The following CA10 variants were observed in gnomAD, a reference collection of about 807,000 sequenced individuals.
CA10 encodes the protein carbonic anhydrase 10 (inactive), also known as carbonic anhydrase-related protein 10.
A neutral mutation model predicts 44.2 loss-of-function variants in CA10; 14 were observed. The ratio of observed to expected loss-of-function variants is 0.32; its 90% confidence interval spans 0.21 to 0.50. CA10 has a LOEUF of 0.50. Among genes scored for constraint, CA10 ranks in the 20% least tolerant of loss-of-function variants. The probability of loss-of-function intolerance (pLI) is 0.99; values close to 1 mark genes in which losing one functional copy is unlikely to be tolerated. For synonymous variants in CA10, 159 were observed against 141.6 expected, an observed-to-expected ratio of 1.12 and a Z score of -0.87; for missense variants, 350 against 409.7, an observed-to-expected ratio of 0.85 and a Z score of 1.26.
At chr17:52,122,107 T>C (rs1365315332) in intron 1 of CA10, among the ~76,000 whole-genome samples, 4 of 152,154 alleles carry the variant, frequency 2.6e-5, no homozygotes, top group African/African-American at 7.2e-5. Flanking sequence ...AAGAAAAAGT[T>C]CTAAAACCAG....
intron 3 of CA10, among the ~76,000 whole-genome samples, chr17:51,778,928 G>A (rs184672627): frequency 2.0e-5 from 3 of 152,262 alleles, no homozygotes; most frequent in Admixed American, 6.5e-5. Context: ...TTGGACCCAG[G>A]AACTCAGGCT....
chr17:51,753,093 C>T (rs1176198771), intron 3 of CA10, among the ~76,000 whole-genome samples: 1 of 152,060 alleles, frequency 6.6e-6, no homozygotes, highest in Non-Finnish European at 1.5e-5. Flanking sequence ...AAGTTCATCC[C>T]AGGAGGAGGC....
chr17:52,102,321 T>C (rs1988558918), intron 1 of CA10, among the ~76,000 whole-genome samples: 10 of 152,168 alleles, frequency 6.6e-5, no homozygotes, highest in Admixed American at 6.5e-4. Context: ...CTCATCTCCT[T>C]AGTAAACAAC....
At chr17:52,089,688 C>T (rs935820276) in intron 1 of CA10, among the ~76,000 whole-genome samples, 1 of 151,366 alleles carries the variant, frequency 6.6e-6, no homozygotes, top group Non-Finnish European at 1.5e-5. Flanking sequence ...AGCTAGTAAA[C>T]AATAGAACAG....
At chr17:51,857,724 C>T (rs1230084818) in intron 3 of CA10, among the ~76,000 whole-genome samples, 2 of 152,190 alleles carry the variant, frequency 1.3e-5, no homozygotes, top group African/African-American at 4.8e-5. Context: ...GGAAATAGAA[C>T]AGAGTCTATC....
chr17:51,905,867 T>G (rs545534927), intron 3 of CA10, among the ~76,000 whole-genome samples: 1 of 152,204 alleles, frequency 6.6e-6, no homozygotes, highest in African/African-American at 2.4e-5. Flanking sequence ...TTTGAGAATA[T>G]AAAGCAGGGC....
At chr17:51,914,183 C>T (rs894178976) in intron 3 of CA10, among the ~76,000 whole-genome samples, 3 of 152,026 alleles carry the variant, frequency 2.0e-5, no homozygotes, top group Admixed American at 6.6e-5. Context: ...GGGTGAACAC[C>T]CCAGCTGCAA....
At chr17:51,791,244 T>A (rs564351097) in intron 3 of CA10, among the ~76,000 whole-genome samples, 1 of 152,318 alleles carries the variant, frequency 6.6e-6, no homozygotes, top group African/African-American at 2.4e-5. Flanking sequence ...TCATGACTCA[T>A]CTATTGTACC....
At chr17:52,097,520 A>T (rs1988434411) in intron 1 of CA10, among the ~76,000 whole-genome samples, 1 of 152,164 alleles carries the variant, frequency 6.6e-6, no homozygotes, top group South Asian at 2.1e-4. Context: ...AATTGAACCC[A>T]AATCTGTATT....
chr17:51,876,478 G>A (rs1980087347), intron 3 of CA10, among the ~76,000 whole-genome samples: 2 of 151,454 alleles, frequency 1.3e-5, no homozygotes, highest in African/African-American at 2.4e-5. Flanking sequence ...CAGTGCACCT[G>A]GCAGTTTTTA....
chr17:51,846,606 C>T (rs1978503614), intron 3 of CA10, among the ~76,000 whole-genome samples: 1 of 152,238 alleles, frequency 6.6e-6, no homozygotes, highest in African/African-American at 2.4e-5. Context: ...TGGCTTCAGG[C>T]CATGCCCCTC....
intron 4 of CA10, among the ~76,000 whole-genome samples, chr17:51,658,872 T>C (rs1453119298): frequency 1.3e-5 from 2 of 152,198 alleles, no homozygotes; most frequent in Non-Finnish European, 2.9e-5. Context: ...TGAGTTCACA[T>C]TCAAGCACAT....
At chr17:52,151,961 A>C (rs1205547033) in intron 1 of CA10, among the ~76,000 whole-genome samples, 1 of 152,144 alleles carries the variant, frequency 6.6e-6, no homozygotes, top group Non-Finnish European at 1.5e-5. Flanking sequence ...TGGCTACTGT[A>C]TTCCAGATAC....
chr17:51,865,566 G>C (rs552719108), intron 3 of CA10, among the ~76,000 whole-genome samples: 2 of 150,796 alleles, frequency 1.3e-5, no homozygotes, highest in Admixed American at 6.6e-5. Context: ...GGGAGCCGGT[G>C]GGGGGGAACC....
At chr17:51,957,756 C>A (rs542774982) in intron 2 of CA10, among the ~76,000 whole-genome samples, 3 of 152,134 alleles carry the variant, frequency 2.0e-5, no homozygotes, top group Non-Finnish European at 4.4e-5. Context: ...ATTTTCTGCT[C>A]TCCTAGAGTG....
intron 2 of CA10, among the ~76,000 whole-genome samples, chr17:52,050,929 C>T (rs1032326189): frequency 2.0e-5 from 3 of 151,554 alleles, no homozygotes; most frequent in African/African-American, 7.3e-5. Context: ...TGCTATACAC[C>T]CAGACCCTGT....
rs528780092 is a variant in CA10, at chr17:51,684,793, T to C, written c.466-31057A>G. Among the ~76,000 whole-genome samples, 36 of 152,342 alleles carry C rather than the reference T, an allele frequency of 2.4e-4. No homozygotes were observed. The South Asian group carries it at 6.0e-3, about 25-fold the overall frequency. The stretch of plus-strand genomic sequence containing the variant: ...ATTGTGAAGAAAATAAATGGATTCT[T>C]TGATTATATCTCACTCCTCCAAAGA... On this transcript the variant is annotated intron_variant, in intron 4 of 8. Coordinates refer to ENST00000451037, the MANE Select transcript of CA10 (RefSeq NM_020178.5).
intron 8 of CA10, 44 bp from the exon 9 acceptor site, chr17:51,631,650 A>C (rs952228968): frequency 1.1e-4 from 171 of 1,519,982 alleles, no homozygotes; most frequent in Non-Finnish European, 1.5e-4. Context: ...CATACAACAT[A>C]AAACGAGGCA....
At chr17:51,956,828 A>G (rs889307068) in intron 2 of CA10, among the ~76,000 whole-genome samples, 2 of 152,074 alleles carry the variant, frequency 1.3e-5, no homozygotes, top group Admixed American at 1.3e-4. Flanking sequence ...CCCACACCCA[A>G]AGCAGAGGGA....
Sources: gnomAD v4.1 joint callset for allele counts (sites outside exome capture counted in the v4.1 genomes callset) on GRCh38, gnomAD v4.1.1 for gene constraint, MANE v1.5 for transcripts, NCBI Gene and HGNC (gene_info 2026-07-23, HGNC 2026-07-21) for gene names.